GINS1: variants seen among roughly 807,000 people sequenced by gnomAD.
The protein encoded by GINS1 is GINS complex subunit 1.
A neutral mutation model predicts 34.9 loss-of-function variants in GINS1; 26 were observed. The ratio of observed to expected loss-of-function variants is 0.74; its 90% CI spans 0.55 to 1.03. The LOEUF is 1.03. Ranked by LOEUF, GINS1 falls within the 50% of genes least tolerant of loss-of-function variation. GINS1 has a pLI of 0.00. For missense variants in GINS1, 235 were observed against 237.9 expected (o/e 0.99, Z 0.08); for synonymous variants, 97 against 84.4 (o/e 1.15, Z -0.82).
intron 5 of GINS1, among the ~76,000 whole-genome samples, chr20:25,437,452 A>G (rs1217219134): frequency 1.3e-5 from 2 of 152,258 alleles, no homozygotes; most frequent in East Asian, 3.8e-4. Flanking sequence ...GCTAAGAGGC[A>G]AAATGGACAG....
intron 1 of GINS1, among the ~76,000 whole-genome samples, chr20:25,411,683 C>T (rs1283683627): frequency 6.6e-6 from 1 of 151,950 alleles, no homozygotes; most frequent in Non-Finnish European, 1.5e-5. Context: ...TGGCTTACAC[C>T]TGTAATCCTA....
chr20:25,445,330 C>CG (rs750314092), intron 6 of GINS1, among the ~76,000 whole-genome samples: 1 of 151,200 alleles, frequency 6.6e-6, no homozygotes, highest in Non-Finnish European at 1.5e-5. Flanking sequence ...TACAGGCATG[C>CG]GCCACCACGC....
chr20:25,430,461 CAATT>C (rs1292344065), intron 5 of GINS1, among the ~76,000 whole-genome samples: 1 of 152,132 alleles, frequency 6.6e-6, no homozygotes, highest in African/African-American at 2.4e-5. Context: ...AAATAAATCT[CAATT>C]GATTTATGAT....
At chr20:25,442,546 T>C (rs1038496051) in intron 6 of GINS1, among the ~76,000 whole-genome samples, 3 of 151,986 alleles carry the variant, frequency 2.0e-5, no homozygotes, top group African/African-American at 7.3e-5. Flanking sequence ...ATTATTTCCC[T>C]AGAAATCTTC....
chr20:25,419,128 AAC>A (rs1269028072), intron 4 of GINS1, among the ~76,000 whole-genome samples: 6 of 152,162 alleles, frequency 3.9e-5, no homozygotes, highest in African/African-American at 1.4e-4. Flanking sequence ...TTTATTCTAC[AAC>A]AGTGTTATTA....
At chr20:25,410,409 C>T (rs551256237) in intron 1 of GINS1, among the ~76,000 whole-genome samples, 368 of 152,184 alleles carry the variant, frequency 2.4e-3, no homozygotes, top group Non-Finnish European at 4.4e-3. Context: ...TTTTGTCTCA[C>T]TAGTGCCTTC....
chr20:25,429,044 A>G (rs569577255), intron 5 of GINS1, among the ~76,000 whole-genome samples: 1 of 131,968 alleles, frequency 7.6e-6, no homozygotes, highest in Non-Finnish European at 1.6e-5. Flanking sequence ...GCTGGAGTAC[A>G]GTGGTGCACT....
At chr20:25,430,666 G>A (rs1406274494) in intron 5 of GINS1, among the ~76,000 whole-genome samples, 5 of 152,202 alleles carry the variant, frequency 3.3e-5, no homozygotes, top group African/African-American at 9.7e-5. Context: ...AAGTAGCTGC[G>A]ATTACAGGCA....
chr20:25,427,824 A>T (rs2090400421), intron 5 of GINS1, among the ~76,000 whole-genome samples: 1 of 141,602 alleles, frequency 7.1e-6, no homozygotes, highest in Non-Finnish European at 1.5e-5. Context: ...TTCTTCCTTC[A>T]GTATCATGTT....
chr20:25,442,947 G>A (rs2090490860), intron 6 of GINS1: 1 of 152,052 alleles, frequency 6.6e-6, no homozygotes, highest in African/African-American at 2.4e-5. Flanking sequence ...AAGTCGTGAG[G>A]AGGAAAAATG....
intron 4 of GINS1, 128 bp downstream of exon 4, chr20:25,418,323 A>G (rs1034932264): frequency 2.5e-5 from 17 of 668,684 alleles, no homozygotes; most frequent in Non-Finnish European, 3.5e-5. Flanking sequence ...TTTGGCTGGT[A>G]TTTAGTATAT....
chr20:25,421,988 T>TA (rs1391117686), intron 4 of GINS1, among the ~76,000 whole-genome samples: 1 of 152,194 alleles, frequency 6.6e-6, no homozygotes, highest in East Asian at 1.9e-4. Flanking sequence ...CTTTATATTA[T>TA]AAAAAACAAT....
At chr20:25,429,576 C>T (rs1402917599) in intron 5 of GINS1, among the ~76,000 whole-genome samples, 1 of 151,836 alleles carries the variant, frequency 6.6e-6, no homozygotes, top group African/African-American at 2.4e-5. Context: ...ATTCTTTTCG[C>T]ACTGATAAAC....
At chr20:25,408,467 T>C (rs1022789034) in intron 1 of GINS1, among the ~76,000 whole-genome samples, 3 of 152,210 alleles carry the variant, frequency 2.0e-5, no homozygotes, top group African/African-American at 7.2e-5. Flanking sequence ...CTGCTGCTGC[T>C]GTTACTATTA....
chr20:25,433,741 T>G (rs1049653962), intron 5 of GINS1, among the ~76,000 whole-genome samples: 3 of 152,194 alleles, frequency 2.0e-5, no homozygotes, highest in Admixed American at 6.6e-5. Flanking sequence ...GCAGCTTGAC[T>G]TCAGTAACAT....
chr20:25,407,750 C>G lies in GINS1; in HGVS notation c.-71C>G. On this transcript the variant is annotated 5_prime_UTR_variant, in exon 1 of 7. Coordinates refer to ENST00000262460, the MANE Select transcript of GINS1 (RefSeq NM_021067.5). ...GACTAGAACGAAAGGAGTGAGGCGC[C>G]GAGAGCCCAGATACCATTTTGGCGT... 2 of 1,183,548 alleles carry G rather than the reference C, an allele frequency of 1.7e-6. No homozygotes were observed. Among genetic ancestry groups the G allele is most frequent in the African/African-American group, 1.5e-5 (1 of 66,562 alleles). The allele number at this position is 1,183,548 out of a possible 1,614,324, so 73.3% of individuals were successfully genotyped here.
At chr20:25,419,674 AT>A (rs1384301533) in intron 4 of GINS1, 6 of 594,204 alleles carry the variant, frequency 1.0e-5, no homozygotes, top group South Asian at 1.9e-5. Context: ...TTTTTTGTGT[AT>A]TTTTTGAGAT....
Position 25,446,436 on chromosome 20 carries a change from C to CCTT in GINS1, c.*445_*446insCTT, listed in dbSNP as rs2090513101. On this transcript the variant is annotated 3_prime_UTR_variant, in exon 7 of 7. Transcript: ENST00000262460. ...AGTAAACATGGTTACATTTGAATCT[C>CCTT]TTAAATAAGCAGTCACTTGGCTGGA... 1 of 152,902 alleles carries CCTT rather than the reference C, an allele frequency of 6.5e-6. No homozygotes were observed. The highest frequency in any genetic ancestry group is 1.4e-5 in the Non-Finnish European group (1 of 69,302). 9.5% of individuals were successfully genotyped at this position (152,902 alleles called of 1,614,324 possible). A position where few individuals can be genotyped will look rare whatever the true frequency, so the allele number is the denominator to read the frequency against.
intron 4 of GINS1, chr20:25,419,681 G>A: frequency 3.6e-6 from 2 of 558,008 alleles, no homozygotes; most frequent in Non-Finnish European, 5.4e-6. Context: ...TGTATTTTTT[G>A]AGATGGAATC....
Sources: allele counts gnomAD v4.1 joint callset (sites outside exome capture counted in the v4.1 genomes callset), GRCh38; gene constraint gnomAD v4.1.1; transcripts MANE v1.5; gene names NCBI Gene and HGNC (gene_info 2026-07-23, HGNC 2026-07-21).